The following NSD2 variants were observed in gnomAD, a reference collection of about 807,000 sequenced individuals.
NSD2 encodes the protein nuclear receptor binding SET domain protein 2, also known as histone-lysine N-methyltransferase NSD2.
In NSD2, 12 loss-of-function variants were observed where a neutral mutation model predicts 139.0. That is an observed-to-expected ratio of 0.09 (90% CI 0.06 to 0.14). The LOEUF (loss-of-function observed/expected upper bound fraction) is 0.14, where lower values mean the gene tolerates loss of function less well. Ranked by LOEUF, NSD2 falls within the 10% of genes least tolerant of loss-of-function variation. The pLI, the probability that NSD2 is intolerant of heterozygous loss-of-function variation, is 1.00. For synonymous variants in NSD2, 669 were observed against 648.7 expected, an observed-to-expected ratio of 1.03 and a Z score of -0.48; for missense variants, 1,155 against 1,745.0, an observed-to-expected ratio of 0.66 and a Z score of 6.02.
chr4:1,886,645 C>T (rs975295282), intron 1 of NSD2, among the ~76,000 whole-genome samples: 2 of 152,026 alleles, frequency 1.3e-5, no homozygotes, highest in Non-Finnish European at 2.9e-5. Context: ...TCCTAGCCAA[C>T]GTGGTGGAAC....
intron 9 of NSD2, chr4:1,946,376 T>A (rs1723630412): frequency 2.1e-6 from 1 of 471,872 alleles, no homozygotes; most frequent in Non-Finnish European, 2.8e-6. Context: ...CCAGCAATTC[T>A]TCTGCCTCAG....
In NSD2 at chr4:1,894,674, TAA is replaced by T. The variant is rs61535099; in HGVS notation, c.-29-5936_-29-5935del. Among the ~76,000 whole-genome samples, 214 of 103,966 alleles carry T rather than the reference TAA, an allele frequency of 2.1e-3. 1 individual carries two copies. The highest frequency in any genetic ancestry group is 6.2e-3 in the African/African-American group (189 of 30,466). The allele number at this position is 103,966 out of a possible 152,430, so 68.2% of individuals were successfully genotyped here. A position where few individuals can be genotyped will look rare whatever the true frequency, so the allele number is the denominator to read the frequency against. The stretch of plus-strand genomic sequence containing the variant: ...GCAACAGAGGAAGACCCTGTCTCAA[TAA>T]AAAAAAAAAAAAAAATGAAAAGAAG... On this transcript the variant is annotated intron_variant, in intron 1 of 21. Coordinates refer to ENST00000508803, the MANE Select transcript of NSD2 (RefSeq NM_001042424.3).
chr4:1,946,942 G>T (rs1413956601), intron 9 of NSD2: 6 of 1,059,354 alleles, frequency 5.7e-6, no homozygotes, highest in Middle Eastern at 4.2e-4. Context: ...TGGCCTTTTT[G>T]CATATAACTC....
chr4:1,918,014 C>G (rs1719631044), intron 4 of NSD2, 127 bp from the exon 5 acceptor site: 1 of 1,173,966 alleles, frequency 8.5e-7, no homozygotes, highest in Non-Finnish European at 1.2e-6. Context: ...CTCCTGGCCT[C>G]AAGTGATCCA....
chr4:1,890,983 TCA>T (rs1403288350), intron 1 of NSD2, among the ~76,000 whole-genome samples: 2 of 151,950 alleles, frequency 1.3e-5, no homozygotes, highest in Non-Finnish European at 2.9e-5. Flanking sequence ...AGTCTCCACC[TCA>T]CAGGCTGAAG....
intron 1 of NSD2, among the ~76,000 whole-genome samples, chr4:1,872,599 AG>A: frequency 8.9e-6 from 1 of 112,190 alleles, no homozygotes; most frequent in South Asian, 3.0e-4. Context: ...TGTGAGAGAG[AG>A]AGAGAGAGAG....
At position 1,974,439 on chromosome 4, in the gene NSD2, C is replaced by T. The variant is rs1341250625; in HGVS notation, c.3373-424C>T. Among the ~76,000 whole-genome samples, 1 of 152,184 alleles carries T rather than the reference C, an allele frequency of 6.6e-6. No individual in the cohort carries two copies. The highest frequency in any genetic ancestry group is 1.5e-5 in the Non-Finnish European group (1 of 68,024). Reference sequence around the variant, plus strand: ...ATGTTGGCTAGTCTGGTCTCAAATTCCTGACCTCAGGTGATCTGCCTGCTT... The same window carrying T: ...ATGTTGGCTAGTCTGGTCTCAAATTTCTGACCTCAGGTGATCTGCCTGCTT... On this transcript the variant is annotated intron_variant, in intron 18 of 21. Transcript: ENST00000508803. The surrounding 1 kb of genome is among the most constrained non-coding windows in gnomAD (Gnocchi z 4.0).
At chr4:1,957,450 A>ATTT (rs57804419) in intron 15 of NSD2, among the ~76,000 whole-genome samples, 1 of 135,634 alleles carries the variant, frequency 7.4e-6, no homozygotes, top group Non-Finnish European at 1.6e-5. Context: ...TGCCTGGCTA[A>ATTT]TTTTTTTTTT....
chr4:1,930,906 C>A, intron 6 of NSD2, 136 bp downstream of exon 6: 1 of 1,112,818 alleles, frequency 9.0e-7, no homozygotes, highest in Non-Finnish European at 1.2e-6. Context: ...GGCCAGCGGT[C>A]CAAGTGCGTG....
At chr4:1,920,195 ATCTCAGCACAT>A (rs1719937229) in intron 5 of NSD2, among the ~76,000 whole-genome samples, 1 of 152,154 alleles carries the variant, frequency 6.6e-6, no homozygotes, top group Non-Finnish European at 1.5e-5. Context: ...CCCGCCTGTA[ATCTCAGCACAT>A]TGGGAGGCTA....
At chr4:1,875,280 CTTTTT>C (rs749123768) in intron 1 of NSD2, among the ~76,000 whole-genome samples, 2 of 126,618 alleles carry the variant, frequency 1.6e-5, no homozygotes. Context: ...TAGCTTTTTA[CTTTTT>C]TTTTTTTTTT....
intron 1 of NSD2, among the ~76,000 whole-genome samples, chr4:1,873,036 C>G (rs1488782621): frequency 6.6e-6 from 1 of 152,200 alleles, no homozygotes; most frequent in Non-Finnish European, 1.5e-5. Flanking sequence ...GATGGTGGTT[C>G]AAATCTAAAC....
At position 1,978,741 on chromosome 4, in the gene NSD2, G is replaced by C; in HGVS notation, c.3930G>C (p.Gly1310=). The change falls in exon 22 of 22, where the codon GGG becomes GGC. Residue 1310 remains glycine (G), a synonymous_variant. Transcript: ENST00000508803. The part of the protein sequence containing the change: ...PNSFCKEHQD[G]TAFSCTPDGR... Reference sequence around the variant, plus strand: ...CGTTCTGTAAGGAGCACCAGGACGGGACAGCCTTCAGCTGCACCCCGGACG... The same window carrying C: ...CGTTCTGTAAGGAGCACCAGGACGGCACAGCCTTCAGCTGCACCCCGGACG... 6.2e-7 allele frequency: 1 copy of C among 1,614,178 alleles called. No individual in the cohort carries two copies. The highest frequency in any genetic ancestry group is 8.5e-7 in the Non-Finnish European group (1 of 1,180,016).
At position 1,916,900 on chromosome 4, in the gene NSD2, G is replaced by A. The variant is rs2108800120; in HGVS notation, c.790G>A (p.Val264Ile). ...GQKKSARQYH[V>I]QFFGDAPERA... ...GAAAAAGAGTGCACGCCAGTATCAC[G>A]TACAGTTCTTTGGTGACGCCCCAGA... Residue 264 changes from valine (V) to isoleucine (I), a missense_variant, in exon 4 of 22, where the codon GTA becomes ATA. This residue lies in a region of NSD2 where 34 missense variants were observed against 75.2 expected (regional missense o/e 0.45). Coordinates refer to ENST00000508803, the MANE Select transcript of NSD2 (RefSeq NM_001042424.3). The A allele has an allele frequency of 3.1e-6, 5 of 1,613,916 alleles. No homozygotes were observed. The highest frequency in any genetic ancestry group is 4.2e-6 in the Non-Finnish European group (5 of 1,179,920).
chr4:1,927,356 G>C (rs1318742193), intron 5 of NSD2, among the ~76,000 whole-genome samples: 2 of 152,142 alleles, frequency 1.3e-5, no homozygotes, highest in Non-Finnish European at 2.9e-5. Flanking sequence ...GGGGTTGGGG[G>C]TCGTCTTGGA....
chr4:1,949,184 C>T (rs998870595), intron 9 of NSD2, among the ~76,000 whole-genome samples: 1 of 152,216 alleles, frequency 6.6e-6, no homozygotes, highest in Admixed American at 6.5e-5. Flanking sequence ...ACTCAGAGCA[C>T]GTCAAGTGGC....
At chr4:1,961,523 A>G (rs1225504541) in intron 18 of NSD2, among the ~76,000 whole-genome samples, 1 of 152,196 alleles carries the variant, frequency 6.6e-6, no homozygotes, top group Admixed American at 6.5e-5. Flanking sequence ...CTCTTTGGGT[A>G]AGGTCTCAGC....
chr4:1,980,144 A>T lies in NSD2; in HGVS notation c.*1235A>T, dbSNP rs1259655240. ...GGTGTGCGTGCCTCGTACGTGTGTT[A>T]TGGGCACTGGTCTAGGCCAGGTATG... On this transcript the variant is annotated 3_prime_UTR_variant, in exon 22 of 22. Transcript: ENST00000508803. 1 of 233,236 alleles carries T rather than the reference A, an allele frequency of 4.3e-6. No homozygotes were observed. Among genetic ancestry groups the T allele is most frequent in the Non-Finnish European group, 8.5e-6 (1 of 118,096 alleles). The allele number at this position is 233,236 out of a possible 1,614,324, so 14.4% of individuals were successfully genotyped here.
intron 1 of NSD2, among the ~76,000 whole-genome samples, chr4:1,886,558 G>A (rs1447571022): frequency 1.3e-5 from 2 of 152,230 alleles, no homozygotes; most frequent in South Asian, 2.1e-4. Flanking sequence ...GCGGCTGGGC[G>A]CGGTGACTCA....
Sources: allele counts gnomAD v4.1 joint callset (sites outside exome capture counted in the v4.1 genomes callset), GRCh38; gene constraint gnomAD v4.1.1; regional missense constraint gnomAD v4.1.1; non-coding constraint Gnocchi (gnomAD v3.1); transcripts MANE v1.5; gene names NCBI Gene and HGNC (gene_info 2026-07-23, HGNC 2026-07-21).